PTPRD: variants seen among roughly 807,000 people sequenced by gnomAD.
The protein encoded by PTPRD is protein tyrosine phosphatase receptor type D, also known as receptor-type tyrosine-protein phosphatase delta.
PTPRD carries 34 observed loss-of-function variants against 214.5 expected under a neutral mutation model. The ratio of observed to expected loss-of-function variants is 0.16; its 90% CI spans 0.12 to 0.21. PTPRD has a LOEUF of 0.21. Ranked by LOEUF, PTPRD falls within the 10% of genes least tolerant of loss-of-function variation. The pLI is 1.00. For synonymous variants in PTPRD, 1,128 were observed against 845.7 expected (o/e 1.33, Z -5.79); for missense variants, 2,545 against 2,398.7 (o/e 1.06, Z -1.27).
At chr9:9,865,707 C>A (rs1283704525) in intron 5 of PTPRD, among the ~76,000 whole-genome samples, 3 of 152,146 alleles carry the variant, frequency 2.0e-5, no homozygotes, top group African/African-American at 7.2e-5. Flanking sequence ...GTTCTCTGGT[C>A]AATACTCTGT....
chr9:9,919,500 A>G (rs1464132633), intron 5 of PTPRD, among the ~76,000 whole-genome samples: 2 of 152,112 alleles, frequency 1.3e-5, no homozygotes, highest in Non-Finnish European at 2.9e-5. Flanking sequence ...CATGTGCCGC[A>G]TTCGGATAAT....
chr9:10,177,184 C>T (rs2099253729), intron 3 of PTPRD, among the ~76,000 whole-genome samples: 2 of 151,802 alleles, frequency 1.3e-5, no homozygotes, highest in South Asian at 4.1e-4. Context: ...TGGAGTGCTT[C>T]CTGCATTTAA....
chr9:8,521,815 T>C (rs533139499), intron 19 of PTPRD, among the ~76,000 whole-genome samples: 69 of 152,136 alleles, frequency 4.5e-4, no homozygotes, highest in Non-Finnish European at 8.2e-4. Context: ...CACAAAAAAC[T>C]ATCTACAAAC....
intron 3 of PTPRD, among the ~76,000 whole-genome samples, chr9:10,200,955 C>G (rs1383739499): frequency 6.6e-6 from 1 of 151,842 alleles, no homozygotes; most frequent in African/African-American, 2.4e-5. Context: ...GTCATTGGCA[C>G]CTAGAAATAA....
chr9:8,662,085 T>G (rs1316790451), intron 12 of PTPRD, among the ~76,000 whole-genome samples: 1 of 152,198 alleles, frequency 6.6e-6, no homozygotes, highest in Non-Finnish European at 1.5e-5. Flanking sequence ...GCCAACTTTT[T>G]TTTGTTTTGT....
At chr9:8,704,496 C>T (rs1011397692) in intron 12 of PTPRD, among the ~76,000 whole-genome samples, 3 of 152,062 alleles carry the variant, frequency 2.0e-5, no homozygotes, top group Admixed American at 1.3e-4. Context: ...TAGCTCATTA[C>T]GTAGAGTATC....
intron 3 of PTPRD, among the ~76,000 whole-genome samples, chr9:10,175,170 G>T (rs1007545477): frequency 6.6e-6 from 1 of 151,980 alleles, no homozygotes; most frequent in Non-Finnish European, 1.5e-5. Flanking sequence ...AGGATGCTGT[G>T]CCTGCAATAG....
intron 14 of PTPRD, among the ~76,000 whole-genome samples, chr9:8,596,961 C>T (rs2154270598): frequency 6.6e-6 from 1 of 152,134 alleles, no homozygotes; most frequent in South Asian, 2.1e-4. Flanking sequence ...CCTCATGTTC[C>T]TATATTACTG....
chr9:8,690,476 C>T (rs10977251), intron 12 of PTPRD, among the ~76,000 whole-genome samples: 2 of 150,736 alleles, frequency 1.3e-5, no homozygotes, highest in African/African-American at 4.9e-5. Context: ...TTGCACTGAG[C>T]CAAGATTGCA....
intron 8 of PTPRD, among the ~76,000 whole-genome samples, chr9:9,526,591 G>A (rs923747787): frequency 3.3e-5 from 5 of 152,108 alleles, no homozygotes; most frequent in African/African-American, 9.7e-5. Context: ...AAATGTGTAA[G>A]CAAATTTGTC....
intron 11 of PTPRD, among the ~76,000 whole-genome samples, chr9:8,741,486 C>G (rs1412559360): frequency 6.8e-6 from 1 of 146,958 alleles, no homozygotes; most frequent in African/African-American, 2.5e-5. Context: ...ATCTTTCTCG[C>G]AAAGTGTAGA....
At chr9:8,688,480 G>C (rs905932948) in intron 12 of PTPRD, among the ~76,000 whole-genome samples, 1 of 151,414 alleles carries the variant, frequency 6.6e-6, no homozygotes, top group Non-Finnish European at 1.5e-5. Flanking sequence ...GAGGAGAATG[G>C]CATGAACCCA....
chr9:8,366,910 C>G (rs935454289), intron 39 of PTPRD, among the ~76,000 whole-genome samples: 1 of 152,236 alleles, frequency 6.6e-6, no homozygotes, highest in African/African-American at 2.4e-5. Flanking sequence ...TAATGCAACG[C>G]TGCCATGGTG....
rs78699440 is a variant in PTPRD, at chr9:9,990,071, C to T, written c.-472+43647G>A. ...TCTCTCCTTGTCCTCGGACTTTCCT[C>T]TGAGCTATGCCACTTACAGGGGAGA... On this transcript the variant is annotated intron_variant, in intron 4 of 45. Coordinates refer to ENST00000381196, the MANE Select transcript of PTPRD (RefSeq NM_002839.4). Among the ~76,000 whole-genome samples, 666 of 152,302 alleles carry T rather than the reference C, an allele frequency of 4.4e-3. 5 individuals are homozygous for T. The highest frequency in any genetic ancestry group is 0.013 in the African/African-American group (522 of 41,568).
intron 2 of PTPRD, among the ~76,000 whole-genome samples, chr9:10,487,594 A>G (rs1241029097): frequency 1.3e-5 from 2 of 152,158 alleles, no homozygotes; most frequent in African/African-American, 4.8e-5. Context: ...ACGAATATAG[A>G]CACAGGAAGA....
Position 8,393,949 on chromosome 9 carries a change from C to T in PTPRD, c.4211-4542G>A, listed in dbSNP as rs1217995522. 2.0e-5 allele frequency among the ~76,000 whole-genome samples: 3 copies of T among 152,002 alleles called. No individual in the cohort carries two copies. In the East Asian group the frequency reaches 5.8e-4, roughly 29 times the overall value. On this transcript the variant is annotated intron_variant, in intron 36 of 45. Transcript: ENST00000381196. ...AACTAAACCTGGCTGTTAATGCAAG[C>T]CTGTAAAGCCGACAGAGATTGTGAT...
chr9:9,099,652 T>G (rs1311805565), intron 10 of PTPRD, among the ~76,000 whole-genome samples: 2 of 152,196 alleles, frequency 1.3e-5, no homozygotes, highest in Non-Finnish European at 2.9e-5. Flanking sequence ...AATTATGTTT[T>G]TAAGAATAAA....
At chr9:10,198,312 T>G (rs1341384069) in intron 3 of PTPRD, among the ~76,000 whole-genome samples, 1 of 152,144 alleles carries the variant, frequency 6.6e-6, no homozygotes, top group Non-Finnish European at 1.5e-5. Flanking sequence ...GTAGCAACAC[T>G]GACAGGTCAG....
rs1221112784 is a variant in PTPRD, at chr9:8,523,417, G to A, written c.691+96C>T. The stretch of plus-strand genomic sequence containing the variant: ...TAAAACATACCATTAACCAAAAGAA[G>A]AACACAATGCAGCTACATTCATTTC... On this transcript the variant is annotated intron_variant, in intron 19 of 45. Coordinates refer to ENST00000381196, the MANE Select transcript of PTPRD (RefSeq NM_002839.4). 1.2e-5 allele frequency: 17 copies of A among 1,426,790 alleles called. No homozygotes were observed. In the Admixed American group the frequency reaches 2.9e-4, roughly 25 times the overall value. 88.4% of individuals were successfully genotyped at this position (1,426,790 alleles called of 1,614,324 possible). A position where few individuals can be genotyped will look rare whatever the true frequency, so the allele number is the denominator to read the frequency against.
Sources: gnomAD v4.1 joint callset for allele counts (sites outside exome capture counted in the v4.1 genomes callset) on GRCh38, gnomAD v4.1.1 for gene constraint, MANE v1.5 for transcripts, NCBI Gene and HGNC (gene_info 2026-07-23, HGNC 2026-07-21) for gene names.